Variants in SLC66A3 observed in about 807,000 individuals in gnomAD.
The protein encoded by SLC66A3 is PQ loop repeat containing 3.
In SLC66A3, 23 loss-of-function variants were observed where a neutral mutation model predicts 25.5. The observed-to-expected ratio is 0.90, with a 90% CI of 0.65 to 1.28. The LOEUF (loss-of-function observed/expected upper bound fraction) is 1.28. Among genes scored for constraint, SLC66A3 ranks in the 50% most tolerant of loss-of-function variants. The pLI, the probability that SLC66A3 is intolerant of heterozygous loss-of-function variation, is 0.00. For synonymous variants in SLC66A3, 108 were observed against 112.6 expected, an observed-to-expected ratio of 0.96 and a Z score of 0.26; for missense variants, 246 against 262.1, an observed-to-expected ratio of 0.94 and a Z score of 0.42.
In SLC66A3 at chr2:11,159,850, C is replaced by T. The variant is rs144476499; in HGVS notation, c.144-616C>T. 3.6e-3 allele frequency among the ~76,000 whole-genome samples: 547 copies of T among 152,318 alleles called. 3 individuals carry two copies. The highest frequency in any genetic ancestry group is 0.012 in the African/African-American group (511 of 41,570). On this transcript the variant is annotated intron_variant, in intron 1 of 6. Transcript: ENST00000295083. Reference sequence around the variant, plus strand: ...TGAGAATGTGGGACCCTGTGGCCTTCGCAGCATCCTCACAGCCGGAGTCTT... The same window carrying T: ...TGAGAATGTGGGACCCTGTGGCCTTTGCAGCATCCTCACAGCCGGAGTCTT...
In SLC66A3 at chr2:11,155,684, G is replaced by A; in HGVS notation, c.138G>A (p.Leu46=). The A allele has an allele frequency of 7.0e-7, 1 of 1,436,836 alleles. No homozygotes were observed. The highest frequency in any genetic ancestry group is 9.1e-7 in the Non-Finnish European group (1 of 1,099,362). The allele number at this position is 1,436,836 out of a possible 1,614,324, so 89.0% of individuals were successfully genotyped here. The change falls in exon 1 of 7, where the codon CTG becomes CTA. Residue 46 remains leucine (L), a synonymous_variant. Coordinates refer to ENST00000295083, the MANE Select transcript of SLC66A3 (RefSeq NM_152391.5). The part of the protein sequence containing the change: ...GLSLPSLLLE[L]AGFLVFLRYQ... Reference sequence around the variant, plus strand: ...GCCTTCCGAGTTTACTTCTGGAGCTGGCAGGGTAAGGCCCGGGGCGGCCGG... The same window carrying A: ...GCCTTCCGAGTTTACTTCTGGAGCTAGCAGGGTAAGGCCCGGGGCGGCCGG...
At chr2:11,167,628 T>C (rs1220792359) in intron 4 of SLC66A3, among the ~76,000 whole-genome samples, 1 of 152,202 alleles carries the variant, frequency 6.6e-6, no homozygotes, top group Non-Finnish European at 1.5e-5. Flanking sequence ...GGCTCCGTGC[T>C]GTGTCTGCCC....
intron 4 of SLC66A3, among the ~76,000 whole-genome samples, chr2:11,171,046 G>C (rs191199902): frequency 6.6e-6 from 1 of 152,232 alleles, no homozygotes; most frequent in East Asian, 1.9e-4. Context: ...GTCTGGGCAT[G>C]GTGGCTCACA....
intron 4 of SLC66A3, among the ~76,000 whole-genome samples, chr2:11,171,625 G>A (rs893937359): frequency 6.6e-6 from 1 of 151,996 alleles, no homozygotes; most frequent in African/African-American, 2.4e-5. Flanking sequence ...CTGGAGTGCA[G>A]TGGCACGATC....
rs1262002198 is a variant in SLC66A3, at chr2:11,178,592, T to C, written c.*764T>C. 6.5e-6 allele frequency: 1 copy of C among 152,692 alleles called. No homozygotes were observed. Among genetic ancestry groups the C allele is most frequent in the Non-Finnish European group, 1.5e-5 (1 of 68,040 alleles). The allele number at this position is 152,692 out of a possible 1,614,324, so 9.5% of individuals were successfully genotyped here. ...ACCACTGTTGGAATTTGGTACAAAA[T>C]ATGTTTTGTCTATTGAAAACATACA... is the stretch of plus-strand genomic sequence containing the variant. On this transcript the variant is annotated 3_prime_UTR_variant, in exon 7 of 7. Coordinates refer to ENST00000295083, the MANE Select transcript of SLC66A3 (RefSeq NM_152391.5).
Position 11,155,599 on chromosome 2 carries a change from C to A in SLC66A3, c.53C>A (p.Ala18Asp). Residue 18 changes from alanine (A) to aspartate (D), a missense_variant, in exon 1 of 7, where the codon GCC becomes GAC. Coordinates refer to ENST00000295083, the MANE Select transcript of SLC66A3 (RefSeq NM_152391.5). Reference protein sequence around the residue: ...LCNWSTLGVCAALKLPQISAV... With the variant: ...LCNWSTLGVCDALKLPQISAV... ...AACTGGAGCACGCTGGGCGTGTGCG[C>A]CGCGCTGAAGCTGCCGCAGATCTCC... The A allele has an allele frequency of 6.6e-7, 1 of 1,519,604 alleles. No homozygotes were observed. The highest frequency in any genetic ancestry group is 8.7e-7 in the Non-Finnish European group (1 of 1,143,788). The allele number at this position is 1,519,604 out of a possible 1,614,324, so 94.1% of individuals were successfully genotyped here.
chr2:11,171,871 T>C, intron 4 of SLC66A3, 54 bp from the exon 5 acceptor site: 1 of 1,605,198 alleles, frequency 6.2e-7, no homozygotes, highest in Non-Finnish European at 8.5e-7. Context: ...CCTGGCCTCT[T>C]TTGCTTTTTT....
chr2:11,170,308 C>A (rs1662503657), intron 4 of SLC66A3, among the ~76,000 whole-genome samples: 1 of 152,204 alleles, frequency 6.6e-6, no homozygotes, highest in Non-Finnish European at 1.5e-5. Flanking sequence ...CACCTTGTCT[C>A]CCTTCGGTCT....
chr2:11,156,538 T>G (rs1256438587), intron 1 of SLC66A3, among the ~76,000 whole-genome samples: 1 of 147,884 alleles, frequency 6.8e-6, no homozygotes, highest in Admixed American at 6.7e-5. Flanking sequence ...GTGGGCGGGG[T>G]GGGGGGTGCG....
chr2:11,159,985 C>T (rs1662054797), intron 1 of SLC66A3, among the ~76,000 whole-genome samples: 1 of 152,212 alleles, frequency 6.6e-6, no homozygotes, highest in Admixed American at 6.5e-5. Flanking sequence ...ACTCTAAAAA[C>T]ACGGCCACAG....
chr2:11,166,442 T>G (rs545786049), intron 4 of SLC66A3, among the ~76,000 whole-genome samples: 7 of 152,328 alleles, frequency 4.6e-5, no homozygotes, highest in Non-Finnish European at 7.4e-5. Context: ...CGCAGACTCA[T>G]GAATTTCTTT....
rs749648511 is a variant in SLC66A3 at position 11,177,771 on chromosome 2, T to C, written c.552T>C (p.Asn184=). 1 of 1,611,660 alleles carries C rather than the reference T, an allele frequency of 6.2e-7. No individual in the cohort carries two copies. The highest frequency in any genetic ancestry group is 8.5e-7 in the Non-Finnish European group (1 of 1,178,814). Reference sequence around the variant, plus strand: ...GTTTTGTGATCATGCTGGCTTTAAATATATGGGTAACAGTGACAGTACTTC... The same window carrying C: ...GTTTTGTGATCATGCTGGCTTTAAACATATGGGTAACAGTGACAGTACTTC... The part of the protein sequence containing the change: ...LLRFVIMLAL[N]IWVTVTVLRY... The change falls in exon 7 of 7, where the codon AAT becomes AAC. Residue 184 remains asparagine, a synonymous_variant. Coordinates refer to ENST00000295083, the MANE Select transcript of SLC66A3 (RefSeq NM_152391.5).
In SLC66A3 at chr2:11,178,829, T is replaced by C. The variant is rs1662863775; in HGVS notation, c.*1001T>C. On this transcript the variant is annotated 3_prime_UTR_variant, in exon 7 of 7. Coordinates refer to ENST00000295083, the MANE Select transcript of SLC66A3 (RefSeq NM_152391.5). ...ATGTTTACCAGAGATTATTGTTTCC[T>C]ATGCAAAATAAATTTTCATATTTTG... The C allele has an allele frequency of 1.3e-5, 2 of 152,250 alleles. No homozygotes were observed. The highest frequency in any genetic ancestry group is 2.4e-5 in the African/African-American group (1 of 41,462). 9.4% of individuals were successfully genotyped at this position (152,250 alleles called of 1,614,324 possible).
chr2:11,157,255 A>G (rs182528773), intron 1 of SLC66A3, among the ~76,000 whole-genome samples: 2 of 152,306 alleles, frequency 1.3e-5, no homozygotes, highest in African/African-American at 4.8e-5. Context: ...CTTCCTGGGC[A>G]TGGGAGCTCA....
intron 1 of SLC66A3, 56 bp downstream of exon 1, chr2:11,155,745 G>A: frequency 1.5e-6 from 2 of 1,307,972 alleles, no homozygotes; most frequent in Non-Finnish European, 1.9e-6. Flanking sequence ...GCTGCCGGCT[G>A]GGAGCCCAGG....
chr2:11,164,540 C>CT lies in SLC66A3; in HGVS notation c.354+289dup, dbSNP rs199654355. Among the ~76,000 whole-genome samples, 813 of 142,416 alleles carry CT rather than the reference C, an allele frequency of 5.7e-3. 6 individuals are homozygous for CT. Among genetic ancestry groups the CT allele is most frequent in the African/African-American group, 0.018 (692 of 38,648 alleles). 93.4% of individuals were successfully genotyped at this position (142,416 alleles called of 152,430 possible). On this transcript the variant is annotated intron_variant, in intron 4 of 6. Coordinates refer to ENST00000295083, the MANE Select transcript of SLC66A3 (RefSeq NM_152391.5). Reference sequence around the variant, plus strand: ...TTTTTAATTGATTCATTTTTGTTTTCTTTTTTTTTTAGTATTTATTGTTAT... The same window carrying CT: ...TTTTTAATTGATTCATTTTTGTTTTCTTTTTTTTTTTAGTATTTATTGTTAT...
chr2:11,155,615 G>T lies in SLC66A3; in HGVS notation c.69G>T (p.Pro23=). 6.5e-7 allele frequency: 1 copy of T among 1,527,158 alleles called. No individual in the cohort carries two copies. Among genetic ancestry groups the T allele is most frequent in the Non-Finnish European group, 8.7e-7 (1 of 1,147,958 alleles). The allele number at this position is 1,527,158 out of a possible 1,614,324, so 94.6% of individuals were successfully genotyped here. The change falls in exon 1 of 7, where the codon CCG becomes CCT. Residue 23 remains proline (P), a synonymous_variant. Transcript: ENST00000295083. ...GCGTGTGCGCCGCGCTGAAGCTGCC[G>T]CAGATCTCCGCTGTGCTAGCGGCGC... ...TLGVCAALKL[P]QISAVLAARS...
chr2:11,156,685 T>C lies in SLC66A3; in HGVS notation c.143+996T>C, dbSNP rs187162559. On this transcript the variant is annotated intron_variant, in intron 1 of 6. Coordinates refer to ENST00000295083, the MANE Select transcript of SLC66A3 (RefSeq NM_152391.5). ...CCCGGCCCTGGGCACAGTCATCCAATAGGGGGCTTTGAGGGGAAATTTTTG... is the reference window on the plus strand; with the variant it reads ...CCCGGCCCTGGGCACAGTCATCCAACAGGGGGCTTTGAGGGGAAATTTTTG... Among the ~76,000 whole-genome samples, 127 of 151,910 alleles carry C rather than the reference T, an allele frequency of 8.4e-4. 1 individual carries two copies. The highest frequency in any genetic ancestry group is 2.4e-3 in the African/African-American group (101 of 41,464).
chr2:11,163,041 C>G (rs1662182866), intron 3 of SLC66A3, among the ~76,000 whole-genome samples: 1 of 152,168 alleles, frequency 6.6e-6, no homozygotes, highest in Admixed American at 6.6e-5. Context: ...GAGTTTGAGA[C>G]TAGCCTGGGC....
Sources: gnomAD v4.1 joint callset for allele counts (sites outside exome capture counted in the v4.1 genomes callset) on GRCh38, gnomAD v4.1.1 for gene constraint, MANE v1.5 for transcripts, NCBI Gene and HGNC (gene_info 2026-07-23, HGNC 2026-07-21) for gene names.